CSNK1G2: variants seen among roughly 807,000 people sequenced by gnomAD.
CSNK1G2 encodes the protein casein kinase 1 gamma 2, also known as casein kinase I isoform gamma-2.
Under a neutral mutation model 48.0 loss-of-function variants are expected in CSNK1G2, and 11 were observed. The observed-to-expected ratio is 0.23, with a 90% CI of 0.14 to 0.38. CSNK1G2 has a LOEUF of 0.38. Among genes scored for constraint, CSNK1G2 ranks in the 10% least tolerant of loss-of-function variants. CSNK1G2 has a pLI of 1.00. For synonymous variants in CSNK1G2, 337 were observed against 254.1 expected (o/e 1.33, Z -3.10); for missense variants, 446 against 595.5 (o/e 0.75, Z 2.61).
intron 2 of CSNK1G2, among the ~76,000 whole-genome samples, chr19:1,973,592 C>G (rs2015650985): frequency 6.6e-6 from 1 of 152,234 alleles, no homozygotes; most frequent in Admixed American, 6.5e-5. Flanking sequence ...TGGCTGTTTT[C>G]CGTCTGCCTC....
intron 1 of CSNK1G2, chr19:1,954,711 G>A (rs2014918575): frequency 6.6e-6 from 1 of 152,420 alleles, no homozygotes; most frequent in African/African-American, 2.4e-5. Context: ...AAAAGAACAG[G>A]GCAGGTAGCA....
At chr19:1,952,246 G>A (rs1005959551) in intron 1 of CSNK1G2, among the ~76,000 whole-genome samples, 8 of 152,244 alleles carry the variant, frequency 5.3e-5, no homozygotes, top group East Asian at 3.8e-4. Flanking sequence ...CTAGTGCGCC[G>A]ATAGCGTGTG....
chr19:1,954,255 C>T (rs1320979371), intron 1 of CSNK1G2: 3 of 305,224 alleles, frequency 9.8e-6, no homozygotes, highest in Non-Finnish European at 2.0e-5. Flanking sequence ...CCTGGCCCCG[C>T]TCTGCTGTGG....
chr19:1,968,433 G>A (rs188815601), intron 1 of CSNK1G2, among the ~76,000 whole-genome samples: 17 of 152,180 alleles, frequency 1.1e-4, no homozygotes, highest in African/African-American at 4.1e-4. Context: ...CGGGGCCTGC[G>A]CTGAGACTGG....
chr19:1,964,946 T>A (rs1432539868), intron 1 of CSNK1G2, among the ~76,000 whole-genome samples: 2 of 151,106 alleles, frequency 1.3e-5, no homozygotes, highest in Admixed American at 6.6e-5. Context: ...CAGGATGGTC[T>A]CGATCTCCTG....
At position 1,979,421 on chromosome 19, in the gene CSNK1G2, C is replaced by T. The variant is rs2015888007; in HGVS notation, c.853+18C>T. 1.3e-6 allele frequency: 2 copies of T among 1,545,112 alleles called. No individual in the cohort carries two copies. The highest frequency in any genetic ancestry group is 3.9e-5 in the Admixed American group (2 of 51,004). ...CTTCCCAGGTAAGGGGTCCCTGCGCCCCCGCCCTGTGCCCCCCACCCCCCA... is the reference window on the plus strand; with the variant it reads ...CTTCCCAGGTAAGGGGTCCCTGCGCTCCCGCCCTGTGCCCCCCACCCCCCA... On this transcript the variant is annotated intron_variant, in intron 8 of 11. Coordinates refer to ENST00000255641, the MANE Select transcript of CSNK1G2 (RefSeq NM_001319.7).
At chr19:1,963,286 C>T (rs748271808) in intron 1 of CSNK1G2, among the ~76,000 whole-genome samples, 1 of 152,030 alleles carries the variant, frequency 6.6e-6, no homozygotes, top group Non-Finnish European at 1.5e-5. Flanking sequence ...CTCCCTCTGT[C>T]GCCCAAGCTC....
Position 1,978,225 on chromosome 19 carries a change from T to G in CSNK1G2, c.188-80T>G. 1.4e-6 allele frequency: 2 copies of G among 1,480,042 alleles called. No homozygotes were observed. Among genetic ancestry groups the G allele is most frequent in the South Asian group, 1.1e-5 (1 of 87,960 alleles). 91.7% of individuals were successfully genotyped at this position (1,480,042 alleles called of 1,614,324 possible). On this transcript the variant is annotated intron_variant, in intron 2 of 11. Transcript: ENST00000255641. This position sits in a 1 kb window ranked among gnomAD's most constrained non-coding sequence, Gnocchi z 7.3. ...GGTCCTTCAGGGACCCCCTCCTGCC[T>G]CCTGCCTCGGGGGTGGGCTGGGGAG...
At chr19:1,954,205 G>C in intron 1 of CSNK1G2, 1 of 365,090 alleles carries the variant, frequency 2.7e-6, no homozygotes, top group Non-Finnish European at 5.5e-6. Context: ...CCTCCATTGT[G>C]GAGGGCGCCC....
chr19:1,951,703 CAG>C, intron 1 of CSNK1G2, among the ~76,000 whole-genome samples: 1 of 143,822 alleles, frequency 7.0e-6, no homozygotes, highest in South Asian at 2.3e-4. Flanking sequence ...TTTTTGGAGA[CAG>C]AGTCTCACTG....
intron 1 of CSNK1G2, among the ~76,000 whole-genome samples, chr19:1,950,463 A>G (rs1348686463): frequency 6.8e-6 from 1 of 147,008 alleles, no homozygotes; most frequent in Non-Finnish European, 1.5e-5. Flanking sequence ...TTAAGTAGCA[A>G]AAGAGAACTC....
At chr19:1,958,596 CT>C (rs2015081630) in intron 1 of CSNK1G2, among the ~76,000 whole-genome samples, 1 of 121,744 alleles carries the variant, frequency 8.2e-6, no homozygotes, top group Non-Finnish European at 1.8e-5. Context: ...CCCCGTCCCC[CT>C]GTCCCCCCGT....
At chr19:1,974,960 G>T in intron 2 of CSNK1G2, 2 of 599,596 alleles carry the variant, frequency 3.3e-6, no homozygotes, top group Non-Finnish European at 4.2e-6. Context: ...AGGCCCCTTT[G>T]GCTTTCAGAG....
intron 1 of CSNK1G2, among the ~76,000 whole-genome samples, chr19:1,949,429 C>A (rs2014684029): frequency 6.6e-6 from 1 of 152,244 alleles, no homozygotes; most frequent in South Asian, 2.1e-4. Flanking sequence ...GCGTCTCTCA[C>A]TGAGTGTGAC....
chr19:1,961,404 C>T (rs747777464), intron 1 of CSNK1G2, among the ~76,000 whole-genome samples: 4 of 152,372 alleles, frequency 2.6e-5, no homozygotes. Flanking sequence ...GTGTGCGTCA[C>T]CCTGAGTCTC....
chr19:1,948,272 C>T (rs1048698468), intron 1 of CSNK1G2, among the ~76,000 whole-genome samples: 1 of 152,192 alleles, frequency 6.6e-6, no homozygotes, highest in African/African-American at 2.4e-5. Context: ...GCCTGTAATC[C>T]CAGCACTTTG....
Position 1,979,373 on chromosome 19 carries a change from C to A in CSNK1G2, c.823C>A (p.Pro275Thr). 6.2e-7 allele frequency: 1 copy of A among 1,602,886 alleles called. No homozygotes were observed. The highest frequency in any genetic ancestry group is 2.3e-5 in the East Asian group (1 of 44,418). ...GATCGGGGACACCAAACGCGCCACG[C>A]CCATCGAGGTGCTCTGCGAGAACTT... is the stretch of plus-strand genomic sequence containing the variant. ...QKIGDTKRATPIEVLCENFPE... is the reference protein window; with the variant it reads ...QKIGDTKRATTIEVLCENFPE... The change falls in exon 8 of 12, where the codon CCC becomes ACC. Residue 275 changes from proline (P) to threonine (T), a missense_variant. By Grantham distance (38) the Pro-to-Thr change is conservative. This residue lies in a region of CSNK1G2 where 258 missense variants were observed against 415.9 expected (regional missense o/e 0.62). Coordinates refer to ENST00000255641, the MANE Select transcript of CSNK1G2 (RefSeq NM_001319.7).
intron 1 of CSNK1G2, among the ~76,000 whole-genome samples, chr19:1,968,571 C>T (rs905881512): frequency 2.6e-5 from 4 of 152,212 alleles, no homozygotes; most frequent in African/African-American, 4.8e-5. Context: ...CTGGGGCCCT[C>T]AGCTCTGGGC....
intron 1 of CSNK1G2, among the ~76,000 whole-genome samples, chr19:1,963,244 GTTTGTT>G (rs1333917071): frequency 6.6e-6 from 1 of 151,966 alleles, no homozygotes; most frequent in Non-Finnish European, 1.5e-5. Flanking sequence ...GATTCTTTTT[GTTTGTT>G]TTTGTTTTGT....
Sources: allele counts gnomAD v4.1 joint callset (sites outside exome capture counted in the v4.1 genomes callset), GRCh38; gene constraint gnomAD v4.1.1; regional missense constraint gnomAD v4.1.1; non-coding constraint Gnocchi (gnomAD v3.1); transcripts MANE v1.5; gene names NCBI Gene and HGNC (gene_info 2026-07-23, HGNC 2026-07-21).